The following KDM4C variants were observed in gnomAD, a reference collection of about 807,000 sequenced individuals.
KDM4C encodes the protein lysine demethylase 4C.
A neutral mutation model predicts 129.3 loss-of-function variants in KDM4C; 81 were observed. That is an observed-to-expected ratio of 0.63 (90% CI 0.52 to 0.75). The LOEUF (loss-of-function observed/expected upper bound fraction) is 0.75. Ranked by LOEUF, KDM4C falls within the 30% of genes least tolerant of loss-of-function variation. The pLI, the probability that KDM4C is intolerant of heterozygous loss-of-function variation, is 0.00. For missense variants in KDM4C, 1,457 were observed against 1,304.0 expected, an observed-to-expected ratio of 1.12 and a Z score of -1.81; for synonymous variants, 573 against 456.1, an observed-to-expected ratio of 1.26 and a Z score of -3.26.
chr9:6,834,787 C>T (rs1228921681), intron 4 of KDM4C: 3 of 1,319,632 alleles, frequency 2.3e-6, no homozygotes, highest in East Asian at 2.3e-5. Flanking sequence ...CCCCCCTGAA[C>T]CCCAAGGCCA....
chr9:6,870,007 A>G (rs565414090), intron 5 of KDM4C, among the ~76,000 whole-genome samples: 2 of 152,372 alleles, frequency 1.3e-5, no homozygotes, highest in African/African-American at 4.8e-5. Context: ...TCGCATCTAT[A>G]AAATCCATAG....
chr9:7,011,012 C>G (rs568357142), intron 12 of KDM4C, among the ~76,000 whole-genome samples: 1 of 151,824 alleles, frequency 6.6e-6, no homozygotes, highest in Non-Finnish European at 1.5e-5. Flanking sequence ...CCATTGTACT[C>G]CAGCCTGGGC....
chr9:7,117,855 T>C (rs1169694952), intron 18 of KDM4C, among the ~76,000 whole-genome samples: 1 of 152,200 alleles, frequency 6.6e-6, no homozygotes, highest in African/African-American at 2.4e-5. Flanking sequence ...GCGAAGCTCA[T>C]GCCAGGTTTT....
intron 12 of KDM4C, among the ~76,000 whole-genome samples, chr9:7,003,355 G>C (rs963639105): frequency 6.6e-6 from 1 of 151,422 alleles, no homozygotes; most frequent in Non-Finnish European, 1.5e-5. Context: ...TGTTCTGTAA[G>C]AAACTTCAGC....
At chr9:6,825,146 CAAAAAA>C (rs776343731) in intron 4 of KDM4C, among the ~76,000 whole-genome samples, 1 of 79,950 alleles carries the variant, frequency 1.3e-5, no homozygotes, top group Non-Finnish European at 2.6e-5. Context: ...AACTCGGTCT[CAAAAAA>C]AAAAAAAAAA....
chr9:6,838,843 T>A lies in KDM4C; in HGVS notation c.436-10664T>A, dbSNP rs1836369993. On this transcript the variant is annotated intron_variant, in intron 4 of 21. Coordinates refer to ENST00000381309, the MANE Select transcript of KDM4C (RefSeq NM_015061.6). Reference sequence around the variant, plus strand: ...AAATGTACTGCATACGGATCTATTCTCATTGTGTAAAGATCCAGGGAAATC... The same window carrying A: ...AAATGTACTGCATACGGATCTATTCACATTGTGTAAAGATCCAGGGAAATC... Among the ~76,000 whole-genome samples the A allele has an allele frequency of 2.6e-5, 4 of 152,240 alleles. 1 individual carries two copies. The South Asian group carries it at 8.3e-4, about 31-fold the overall frequency.
intron 4 of KDM4C, among the ~76,000 whole-genome samples, chr9:6,838,480 A>G (rs1313147883): frequency 6.6e-6 from 1 of 152,194 alleles, no homozygotes; most frequent in Admixed American, 6.5e-5. Flanking sequence ...CACTATCAGT[A>G]GTCTAGACTC....
intron 11 of KDM4C, 130 bp from the exon 12 acceptor site, chr9:6,990,286 C>G: frequency 1.5e-6 from 1 of 670,288 alleles, no homozygotes; most frequent in Non-Finnish European, 2.7e-6. Context: ...AGGACTAGTT[C>G]CCCAAGAGGT....
intron 1 of KDM4C, among the ~76,000 whole-genome samples, chr9:6,760,928 C>T (rs1819355566): frequency 6.6e-6 from 1 of 151,762 alleles, no homozygotes; most frequent in African/African-American, 2.4e-5. Flanking sequence ...ATTCCACTGC[C>T]AACTTCAGTT....
At chr9:6,824,738 G>C (rs1414042205) in intron 4 of KDM4C, among the ~76,000 whole-genome samples, 1 of 151,952 alleles carries the variant, frequency 6.6e-6, no homozygotes, top group Non-Finnish European at 1.5e-5. Context: ...GGTGACCATA[G>C]GGTAGAGAGG....
chr9:6,852,800 T>G (rs1839092361), intron 5 of KDM4C, among the ~76,000 whole-genome samples: 1 of 152,160 alleles, frequency 6.6e-6, no homozygotes, highest in African/African-American at 2.4e-5. Flanking sequence ...TACGATTCCC[T>G]CCTTACTTAC....
intron 12 of KDM4C, among the ~76,000 whole-genome samples, chr9:6,991,477 C>T (rs1271438551): frequency 2.0e-5 from 3 of 151,968 alleles, no homozygotes; most frequent in Non-Finnish European, 4.4e-5. Flanking sequence ...GTATATGTCT[C>T]CTAGCATCAT....
At chr9:6,824,810 A>C (rs1833617839) in intron 4 of KDM4C, among the ~76,000 whole-genome samples, 1 of 152,122 alleles carries the variant, frequency 6.6e-6, no homozygotes, top group South Asian at 2.1e-4. Flanking sequence ...AGGAAGAGTC[A>C]CATTATTTTA....
intron 8 of KDM4C, among the ~76,000 whole-genome samples, chr9:6,947,063 G>A (rs9792673): frequency 1.6e-4 from 25 of 152,150 alleles, no homozygotes; most frequent in African/African-American, 5.3e-4. Flanking sequence ...TGAAAATGTC[G>A]TACTTTTGTA....
intron 8 of KDM4C, among the ~76,000 whole-genome samples, chr9:6,939,017 T>A (rs892915648): frequency 1.3e-5 from 2 of 151,736 alleles, no homozygotes; most frequent in Non-Finnish European, 2.9e-5. Flanking sequence ...TTGTAAACAT[T>A]CCTTAAAGCA....
chr9:6,729,124 A>AAAAAAAAAAAGGCTTGTCAGTTGC lies in KDM4C; in HGVS notation c.49+8128_49+8129insAAAAAAAAAGGCTTGTCAGTTGCA, dbSNP rs1554663579. Among the ~76,000 whole-genome samples, 550 of 125,090 alleles carry AAAAAAAAAAAGGCTTGTCAGTTGC rather than the reference A, an allele frequency of 4.4e-3. 7 individuals are homozygous for AAAAAAAAAAAGGCTTGTCAGTTGC. The highest frequency in any genetic ancestry group is 7.8e-3 in the East Asian group (31 of 3,992). 82.1% of individuals were successfully genotyped at this position (125,090 alleles called of 152,430 possible). On this transcript the variant is annotated intron_variant, in intron 1 of 17. Coordinates refer to the KDM4C transcript ENST00000536108. ...GGAGGCTGAGGCAGAGAATTGCTTG[A>AAAAAAAAAAAGGCTTGTCAGTTGC]ACCCGGGAAGCAGAGGTTGCAGTGA...
At chr9:6,823,499 T>G (rs1833377436) in intron 4 of KDM4C, among the ~76,000 whole-genome samples, 1 of 152,202 alleles carries the variant, frequency 6.6e-6, no homozygotes, top group Non-Finnish European at 1.5e-5. Context: ...GAGGGGATGG[T>G]GCCCTACCTG....
chr9:6,732,269 G>T (rs955024487), intron 1 of KDM4C, among the ~76,000 whole-genome samples: 1 of 150,100 alleles, frequency 6.7e-6, no homozygotes, highest in Admixed American at 6.7e-5. Flanking sequence ...GGAGGCTGAG[G>T]CAGGAGAATC....
chr9:6,969,155 C>T (rs1229076773), intron 8 of KDM4C, among the ~76,000 whole-genome samples: 1 of 152,102 alleles, frequency 6.6e-6, no homozygotes, highest in Non-Finnish European at 1.5e-5. Flanking sequence ...AGGCTGGTCT[C>T]GAACTCCTGA....
Sources: gnomAD v4.1 joint callset for allele counts (sites outside exome capture counted in the v4.1 genomes callset) on GRCh38, gnomAD v4.1.1 for gene constraint, MANE v1.5 for transcripts, NCBI Gene and HGNC (gene_info 2026-07-23, HGNC 2026-07-21) for gene names.